The following HBG2 variants were observed in gnomAD, a reference collection of about 807,000 sequenced individuals.
The protein encoded by HBG2 is hemoglobin subunit gamma-2.
For missense variants in HBG2, 59 were observed against 155.7 expected (o/e 0.38, Z 3.31); for synonymous variants, 25 against 63.2 (o/e 0.40, Z 2.87).
chr11:5,253,513 G>A, intron 2 of HBG2, 108 bp from the exon 3 acceptor site: 1 of 1,242,306 alleles, frequency 8.0e-7, no homozygotes, highest in Non-Finnish European at 1.2e-6. Flanking sequence ...TCAAGCCTAT[G>A]TTAACTTCCC....
In HBG2 at chr11:5,253,403, G is replaced by T; in HGVS notation, c.318C>A (p.Leu106=). 1.2e-6 allele frequency: 2 copies of T among 1,612,708 alleles called. No homozygotes were observed. Among genetic ancestry groups the T allele is most frequent in the Non-Finnish European group, 1.7e-6 (2 of 1,178,988 alleles). The change falls in exon 3 of 3, where the codon CTC becomes CTA. Residue 106 remains leucine, a splice_region_variant and synonymous_variant. Transcript: ENST00000336906. Reference sequence around the variant, plus strand: ...AAACGGTCACCAGCACATTTCCCAGGAGCTGTTGAGATGAAAGGAGACAAT... The same window carrying T: ...AAACGGTCACCAGCACATTTCCCAGTAGCTGTTGAGATGAAAGGAGACAAT... The part of the protein sequence containing the change: ...KLHVDPENFK[L]LGNVLVTVLA...
At chr11:5,254,184 C>G (rs527306894) in intron 2 of HBG2, 108 bp downstream of exon 2, 5 of 1,333,968 alleles carry the variant, frequency 3.7e-6, no homozygotes, top group Non-Finnish European at 1.1e-6. Flanking sequence ...CACTCCCAAC[C>G]CCAGTATCTT....
rs113047906 is a variant in HBG2 at position 5,253,478 on chromosome 11, C to T, written c.316-73G>A. The T allele has an allele frequency of 0.023, 30,022 of 1,300,454 alleles. 1,065 individuals carry two copies. In the African/African-American group the frequency reaches 0.29, roughly 13 times the overall value. 80.6% of individuals were successfully genotyped at this position (1,300,454 alleles called of 1,614,324 possible). On this transcript the variant is annotated intron_variant, in intron 2 of 2. Transcript: ENST00000336906. ...GAGCTCCAGCCTGGCCTCCAGATAA[C>T]TACACACCAAGCTTCCACCCAGAAT...
Position 5,253,363 on chromosome 11 carries a change from C to G in HBG2, c.358G>C (p.Gly120Arg), listed in dbSNP as rs765691029. The change falls in exon 3 of 3, where the codon GGC becomes CGC. Residue 120 changes from glycine to arginine, a missense_variant. By Grantham distance (125) the Gly-to-Arg change is moderately radical. Coordinates refer to ENST00000336906, the MANE Select transcript of HBG2 (RefSeq NM_000184.3). The stretch of plus-strand genomic sequence containing the variant: ...TGCACCTCAGGGGTGAATTCTTTGC[C>G]GAAATGGATTGCCAAAACGGTCACC... ...VLVTVLAIHF[G>R]KEFTPEVQAS... 10 of 1,613,612 alleles carry G rather than the reference C, an allele frequency of 6.2e-6. No homozygotes were observed. Among genetic ancestry groups the G allele is most frequent in the Non-Finnish European group, 8.5e-6 (10 of 1,179,716 alleles).
intron 2 of HBG2, 21 bp from the exon 3 acceptor site, chr11:5,253,426 A>G (rs760778160): frequency 1.2e-6 from 2 of 1,607,390 alleles, no homozygotes; most frequent in East Asian, 2.2e-5. Flanking sequence ...GAAAGGAGAC[A>G]ATAAAGATGA....
chr11:5,253,917 C>T (rs1349486427), intron 2 of HBG2, among the ~76,000 whole-genome samples: 1 of 152,048 alleles, frequency 6.6e-6, no homozygotes, highest in African/African-American at 2.4e-5. Context: ...TTGACTGAGC[C>T]AATATATGCC....
intron 2 of HBG2, 125 bp downstream of exon 2, chr11:5,254,167 G>A: frequency 8.6e-7 from 1 of 1,156,716 alleles, no homozygotes. Context: ...GTCCTCTGCA[G>A]TTTCTTCACT....
At position 5,253,199 on chromosome 11, in the gene HBG2, T is replaced by C; in HGVS notation, c.*78A>G. On this transcript the variant is annotated 3_prime_UTR_variant, in exon 3 of 3. Coordinates refer to ENST00000336906, the MANE Select transcript of HBG2 (RefSeq NM_000184.3). ...ACTGAAGACAACCATGTGTGATCTCTTAGCAGAATAGATTTATTATTTGAT... is the reference window on the plus strand; with the variant it reads ...ACTGAAGACAACCATGTGTGATCTCCTAGCAGAATAGATTTATTATTTGAT... 1 of 1,597,658 alleles carries C rather than the reference T, an allele frequency of 6.3e-7. No individual in the cohort carries two copies. The highest frequency in any genetic ancestry group is 8.6e-7 in the Non-Finnish European group (1 of 1,166,950).
At chr11:5,253,449 C>G (rs750865626) in intron 2 of HBG2, 44 bp from the exon 3 acceptor site, 3 of 1,559,804 alleles carry the variant, frequency 1.9e-6, no homozygotes, top group Non-Finnish European at 2.6e-6. Context: ...CCATAGTGAG[C>G]TGAGAGCTCC....
intron 2 of HBG2, among the ~76,000 whole-genome samples, chr11:5,253,703 C>CACACACACACACACAG: frequency 6.6e-6 from 1 of 151,254 alleles, no homozygotes; most frequent in East Asian, 2.0e-4. Flanking sequence ...CGCGCGCACA[C>CACACACACACACACAG]ACACACACAC....
In HBG2 at chr11:5,254,472, G is replaced by T; in HGVS notation, c.135C>A (p.Ser45Arg). Residue 45 changes from serine to arginine, a missense_variant, in exon 2 of 3, where the codon AGC becomes AGA. By Grantham distance (110) the Ser-to-Arg change is moderately radical. Coordinates refer to ENST00000336906, the MANE Select transcript of HBG2 (RefSeq NM_000184.3). ...CAGAGGCAGAGGACAGGTTGCCAAA[G>T]CTGTCAAAGAACCTCTGGGTCCATG... ...VYPWTQRFFDSFGNLSSASAI... is the reference protein window; with the variant it reads ...VYPWTQRFFDRFGNLSSASAI... The T allele has an allele frequency of 1.2e-6, 2 of 1,614,026 alleles. No homozygotes were observed. The highest frequency in any genetic ancestry group is 1.7e-6 in the Non-Finnish European group (2 of 1,179,948).
rs1554922324 is a variant in HBG2, at chr11:5,253,698, G to GCACACACACACACACACACACA, written c.316-315_316-294dup. ...CTCACACACACACAAACACACGCGC[G>GCACACACACACACACACACACA]CACACACACACACACACACACAGAG... is the stretch of plus-strand genomic sequence containing the variant. On this transcript the variant is annotated intron_variant, in intron 2 of 2. Coordinates refer to ENST00000336906, the MANE Select transcript of HBG2 (RefSeq NM_000184.3). Among the ~76,000 whole-genome samples, 772 of 134,528 alleles carry GCACACACACACACACACACACA rather than the reference G, an allele frequency of 5.7e-3. 13 individuals are homozygous for GCACACACACACACACACACACA. Among genetic ancestry groups the GCACACACACACACACACACACA allele is most frequent in the Admixed American group, 0.041 (553 of 13,628 alleles). The allele number at this position is 134,528 out of a possible 152,430, so 88.3% of individuals were successfully genotyped here.
At chr11:5,254,030 A>T (rs1847986848) in intron 2 of HBG2, among the ~76,000 whole-genome samples, 1 of 151,810 alleles carries the variant, frequency 6.6e-6, no homozygotes, top group Admixed American at 6.6e-5. Flanking sequence ...TTTCTACCGA[A>T]ATCTAATAAA....
In HBG2 at chr11:5,253,343, C is replaced by A. The variant is rs761118458; in HGVS notation, c.378G>T (p.Glu126Asp). 6.2e-7 allele frequency: 1 copy of A among 1,613,872 alleles called. No individual in the cohort carries two copies. The highest frequency in any genetic ancestry group is 8.5e-7 in the Non-Finnish European group (1 of 1,179,952). Residue 126 changes from glutamate to aspartate, a missense_variant, in exon 3 of 3, where the codon GAG (glutamate) becomes GAT (aspartate). Transcript: ENST00000336906. ...AIHFGKEFTPEVQASWQKMVT... is the reference protein window; with the variant it reads ...AIHFGKEFTPDVQASWQKMVT... Reference sequence around the variant, plus strand: ...CCATCTTCTGCCAGGAAGCCTGCACCTCAGGGGTGAATTCTTTGCCGAAAT... The same window carrying A: ...CCATCTTCTGCCAGGAAGCCTGCACATCAGGGGTGAATTCTTTGCCGAAAT...
At chr11:5,253,698 G>GCACACACACACA (rs1554922324) in intron 2 of HBG2, among the ~76,000 whole-genome samples, 3,557 of 134,470 alleles carry the variant, frequency 0.026, 90 homozygotes, top group East Asian at 0.063. Context: ...ACACACGCGC[G>GCACACACACACA]CACACACACA....
rs113943826 is a variant in HBG2 at position 5,253,469 on chromosome 11, T to G, written c.316-64A>C. 387 of 1,323,756 alleles carry G rather than the reference T, an allele frequency of 2.9e-4. 1 individual carries two copies. In the African/African-American group the frequency reaches 5.0e-3, roughly 17 times the overall value. The allele number at this position is 1,323,756 out of a possible 1,614,324, so 82.0% of individuals were successfully genotyped here. On this transcript the variant is annotated intron_variant, in intron 2 of 2. Coordinates refer to ENST00000336906, the MANE Select transcript of HBG2 (RefSeq NM_000184.3). Reference sequence around the variant, plus strand: ...GTGAGCTGAGAGCTCCAGCCTGGCCTCCAGATAACTACACACCAAGCTTCC... The same window carrying G: ...GTGAGCTGAGAGCTCCAGCCTGGCCGCCAGATAACTACACACCAAGCTTCC...
intron 2 of HBG2, among the ~76,000 whole-genome samples, chr11:5,253,698 G>GCACACA (rs1554922324): frequency 6.9e-4 from 93 of 134,430 alleles, no homozygotes; most frequent in African/African-American, 1.2e-3. Flanking sequence ...ACACACGCGC[G>GCACACA]CACACACACA....
intron 2 of HBG2, among the ~76,000 whole-genome samples, chr11:5,254,009 G>C (rs1181875462): frequency 1.3e-5 from 2 of 151,784 alleles, no homozygotes; most frequent in African/African-American, 4.9e-5. Context: ...ATAGGGGAAA[G>C]GTGAAAGTTC....
At chr11:5,253,901 C>T (rs1403529481) in intron 2 of HBG2, among the ~76,000 whole-genome samples, 1 of 152,032 alleles carries the variant, frequency 6.6e-6, no homozygotes, top group African/African-American at 2.4e-5. Context: ...ACCAAAGTTC[C>T]CCACTTTGAC....
Sources: gnomAD v4.1 joint callset for allele counts (sites outside exome capture counted in the v4.1 genomes callset) on GRCh38, gnomAD v4.1.1 for gene constraint, MANE v1.5 for transcripts, NCBI Gene and HGNC (gene_info 2026-07-23, HGNC 2026-07-21) for gene names.